DENND1A: variants seen among roughly 807,000 people sequenced by gnomAD.
The protein encoded by DENND1A is DENN domain containing 1A.
In DENND1A, 51 loss-of-function variants were observed where a neutral mutation model predicts 113.7. The observed-to-expected ratio is 0.45, with a 90% CI of 0.36 to 0.57. The LOEUF is 0.57. DENND1A is among the 20% of genes least tolerant of loss of function. The probability of loss-of-function intolerance (pLI) is 0.00; values close to 1 mark genes in which losing one functional copy is unlikely to be tolerated. For missense variants in DENND1A, 1,258 were observed against 1,395.9 expected (o/e 0.90, Z 1.57); for synonymous variants, 565 against 570.8 (o/e 0.99, Z 0.14).
At position 123,381,622 on chromosome 9, in the gene DENND1A, G is replaced by C; in HGVS notation, c.3023C>G (p.Pro1008Arg). 1.2e-6 allele frequency: 2 copies of C among 1,612,482 alleles called. No homozygotes were observed. Among genetic ancestry groups the C allele is most frequent in the Non-Finnish European group, 1.7e-6 (2 of 1,179,598 alleles). The change falls in exon 24 of 24, where the codon CCC becomes CGC. Residue 1008 changes from proline (P) to arginine (R), a missense_variant. Physicochemically the swap from Pro to Arg is moderately radical, Grantham distance 103. Coordinates refer to ENST00000394215, the MANE Select transcript of DENND1A (RefSeq NM_001352964.2). This position sits in a 1 kb window ranked among gnomAD's most constrained non-coding sequence, Gnocchi z 4.7. ...AGGGGGCCTGGGAGGCAGAAGCGGG[G>C]GGTCTCCAGGCCTCAGGGCCAGCCC... ...KQGLALRPGDPPLLPPRPPQG... is the reference protein window; with the variant it reads ...KQGLALRPGDRPLLPPRPPQG...
intron 2 of DENND1A, among the ~76,000 whole-genome samples, chr9:123,837,136 G>A (rs1422298634): frequency 2.0e-5 from 3 of 152,150 alleles, no homozygotes; most frequent in Admixed American, 2.0e-4. Context: ...CCAAGAAAGG[G>A]TCAGGATTTA....
In DENND1A at chr9:123,381,552, G is replaced by C. The variant is rs773002960; in HGVS notation, c.3093C>G (p.Ala1031=). ...GTAACAAATCCTCAAAGGGGTCTCT[G>C]GCCTGTTGAGGAGCAGAGGGCTGCA... The part of the protein sequence containing the change: ...PTLQPSAPQQ[A]RDPFEDLLQK... The change falls in exon 24 of 24, where the codon GCC becomes GCG. Residue 1031 remains alanine (A), a synonymous_variant. Coordinates refer to ENST00000394215, the MANE Select transcript of DENND1A (RefSeq NM_001352964.2). The surrounding 1 kb of genome is among the most constrained non-coding windows in gnomAD (Gnocchi z 4.7). The C allele has an allele frequency of 6.2e-7, 1 of 1,613,762 alleles. No individual in the cohort carries two copies. Among genetic ancestry groups the C allele is most frequent in the South Asian group, 1.1e-5 (1 of 91,088 alleles).
chr9:123,621,844 A>C (rs1039266293), intron 10 of DENND1A, among the ~76,000 whole-genome samples: 2 of 152,370 alleles, frequency 1.3e-5, no homozygotes, highest in Non-Finnish European at 2.9e-5. Context: ...GATCTGATTA[A>C]CTGGATGTTA....
At chr9:123,474,840 G>A (rs1053525094) in intron 13 of DENND1A, among the ~76,000 whole-genome samples, 1 of 152,146 alleles carries the variant, frequency 6.6e-6, no homozygotes, top group African/African-American at 2.4e-5. Context: ...AATAAAAAAA[G>A]GCTGAGGCTG....
In DENND1A at chr9:123,725,566, A is replaced by G. The variant is rs115864447; in HGVS notation, c.302+32137T>C. On this transcript the variant is annotated intron_variant, in intron 5 of 23. Coordinates refer to ENST00000394215, the MANE Select transcript of DENND1A (RefSeq NM_001352964.2). ...CAGTAGGCTGTGGTACACAGTTGCAAGGCCGCAGTTAACCACGAGCAGAAC... is the reference window on the plus strand; with the variant it reads ...CAGTAGGCTGTGGTACACAGTTGCAGGGCCGCAGTTAACCACGAGCAGAAC... Among the ~76,000 whole-genome samples, 846 of 152,376 alleles carry G rather than the reference A, an allele frequency of 5.6e-3. 11 individuals are homozygous for G. The highest frequency in any genetic ancestry group is 0.02 in the African/African-American group (818 of 41,584).
chr9:123,913,431 G>A (rs967876947), intron 1 of DENND1A, among the ~76,000 whole-genome samples: 1 of 152,128 alleles, frequency 6.6e-6, no homozygotes, highest in African/African-American at 2.4e-5. Flanking sequence ...AATTTTATAA[G>A]GATTTAACAG....
chr9:123,854,450 C>CT (rs1843839551), intron 2 of DENND1A, among the ~76,000 whole-genome samples: 1 of 152,162 alleles, frequency 6.6e-6, no homozygotes, highest in African/African-American at 2.4e-5. Flanking sequence ...AATCCCAGCA[C>CT]TTTGGGAGGC....
chr9:123,489,548 C>A (rs1294988273), intron 13 of DENND1A, among the ~76,000 whole-genome samples: 1 of 152,248 alleles, frequency 6.6e-6, no homozygotes, highest in Non-Finnish European at 1.5e-5. Flanking sequence ...GCCTGTGGTA[C>A]CGAAGGCCCC....
chr9:123,442,021 T>C (rs1207831524), intron 18 of DENND1A, among the ~76,000 whole-genome samples: 1 of 152,210 alleles, frequency 6.6e-6, no homozygotes, highest in Non-Finnish European at 1.5e-5. Flanking sequence ...AATGGGCATA[T>C]GGTAGCATGA....
At chr9:123,650,255 C>A (rs1239364857) in intron 9 of DENND1A, among the ~76,000 whole-genome samples, 1 of 151,974 alleles carries the variant, frequency 6.6e-6, no homozygotes, top group African/African-American at 2.4e-5. Flanking sequence ...TTAACACATA[C>A]TAGGCAATTA....
intron 12 of DENND1A, among the ~76,000 whole-genome samples, chr9:123,573,119 A>C (rs537280277): frequency 1.3e-5 from 2 of 151,940 alleles, no homozygotes; most frequent in South Asian, 4.2e-4. Context: ...TGTAGGTCTA[A>C]TTCTGGACTC....
At chr9:123,403,879 G>T (rs1030690262) in intron 20 of DENND1A, among the ~76,000 whole-genome samples, 5 of 152,308 alleles carry the variant, frequency 3.3e-5, no homozygotes, top group South Asian at 2.1e-4. Context: ...CCAGAAGCTG[G>T]TTTTGTAGAA....
chr9:123,865,058 T>A (rs1184534934), intron 2 of DENND1A, among the ~76,000 whole-genome samples: 5 of 152,090 alleles, frequency 3.3e-5, no homozygotes, highest in Non-Finnish European at 5.9e-5. Context: ...AAATTAAATA[T>A]CCCTCCATAG....
intron 5 of DENND1A, among the ~76,000 whole-genome samples, chr9:123,734,082 C>T (rs1166518425): frequency 6.6e-6 from 1 of 152,198 alleles, no homozygotes; most frequent in Non-Finnish European, 1.5e-5. Context: ...GATCCTCCCA[C>T]CTCAGTCTCC....
At chr9:123,681,219 G>A (rs976110952) in intron 5 of DENND1A, among the ~76,000 whole-genome samples, 1 of 151,228 alleles carries the variant, frequency 6.6e-6, no homozygotes, top group Non-Finnish European at 1.5e-5. Context: ...TGGAGGGCCT[G>A]ACCAGCAATG....
chr9:123,627,217 G>A (rs1049151522), intron 10 of DENND1A, among the ~76,000 whole-genome samples: 7 of 152,218 alleles, frequency 4.6e-5, no homozygotes, highest in African/African-American at 1.7e-4. Flanking sequence ...ACAAGGAGCA[G>A]ATAAGAAAAT....
chr9:123,463,833 C>T (rs992592697), intron 13 of DENND1A, among the ~76,000 whole-genome samples: 11 of 146,320 alleles, frequency 7.5e-5, no homozygotes, highest in South Asian at 2.1e-4. Flanking sequence ...CACTTGAACT[C>T]GGGAGGCAGA....
intron 5 of DENND1A, among the ~76,000 whole-genome samples, chr9:123,714,751 G>C (rs1382240418): frequency 6.6e-6 from 1 of 152,162 alleles, no homozygotes; most frequent in Non-Finnish European, 1.5e-5. Context: ...GGAGGAAGTG[G>C]GGGAACAGAC....
At position 123,380,393 on chromosome 9, in the gene DENND1A, G is replaced by C. The variant is rs1311487520; in HGVS notation, c.*1039C>G. On this transcript the variant is annotated 3_prime_UTR_variant, in exon 24 of 24. Coordinates refer to ENST00000394215, the MANE Select transcript of DENND1A (RefSeq NM_001352964.2). ...AGCTCTGGGCAGGTGGGGAGGGACT[G>C]GCTTCTAGCCCTCCTCCTGCTTCCC... 1 of 152,574 alleles carries C rather than the reference G, an allele frequency of 6.6e-6. No homozygotes were observed. The highest frequency in any genetic ancestry group is 6.5e-5 in the Admixed American group (1 of 15,290). 9.5% of individuals were successfully genotyped at this position (152,574 alleles called of 1,614,324 possible). A position where few individuals can be genotyped will look rare whatever the true frequency, so the allele number is the denominator to read the frequency against.
Sources: allele counts gnomAD v4.1 joint callset (sites outside exome capture counted in the v4.1 genomes callset), GRCh38; gene constraint gnomAD v4.1.1; non-coding constraint Gnocchi (gnomAD v3.1); transcripts MANE v1.5; gene names NCBI Gene and HGNC (gene_info 2026-07-23, HGNC 2026-07-21).